Variants in AKAP12 observed in about 807,000 individuals in gnomAD.
The protein encoded by AKAP12 is A-kinase anchoring protein 12, also known as A-kinase anchor protein 12.
In AKAP12, 32 loss-of-function variants were observed where a neutral mutation model predicts 79.9. That is an observed-to-expected ratio of 0.40 (90% CI 0.30 to 0.54). The LOEUF is 0.54. AKAP12 is among the 20% of genes least tolerant of loss of function. The pLI is 0.48. For synonymous variants in AKAP12, 808 were observed against 857.0 expected, an observed-to-expected ratio of 0.94 and a Z score of 1.00; for missense variants, 2,074 against 2,177.0, an observed-to-expected ratio of 0.95 and a Z score of 0.94.
intron 3 of AKAP12, among the ~76,000 whole-genome samples, chr6:151,321,902 T>TG (rs773019461): frequency 1.6e-5 from 2 of 124,224 alleles, no homozygotes; most frequent in Admixed American, 1.6e-4. Flanking sequence ...ATCAGCTTTA[T>TG]GTTTTTTTTT....
intron 2 of AKAP12, among the ~76,000 whole-genome samples, chr6:151,286,827 G>A (rs2114731089): frequency 6.6e-6 from 1 of 152,290 alleles, no homozygotes; most frequent in Admixed American, 6.5e-5. Flanking sequence ...GAGAGTTCAG[G>A]TCTTTTACAA....
chr6:151,266,875 G>A (rs766590080), intron 2 of AKAP12, among the ~76,000 whole-genome samples: 4 of 151,922 alleles, frequency 2.6e-5, no homozygotes, highest in Admixed American at 6.6e-5. Flanking sequence ...TTTAAAAAAC[G>A]CATGTATGTG....
At position 151,304,362 on chromosome 6, in the gene AKAP12, G is replaced by A. The variant is rs182518716; in HGVS notation, c.163-1385G>A. On this transcript the variant is annotated intron_variant, in intron 2 of 4. Coordinates refer to ENST00000402676, the MANE Select transcript of AKAP12 (RefSeq NM_005100.4). ...AAATTAGCCAGGCATGGTGGTGCAC[G>A]CCTGTAATCCCTGCTATGTGGGAGG... Among the ~76,000 whole-genome samples, 581 of 151,104 alleles carry A rather than the reference G, an allele frequency of 3.8e-3. 6 individuals carry two copies. Among genetic ancestry groups the A allele is most frequent in the African/African-American group, 0.013 (520 of 41,262 alleles).
Position 151,353,192 on chromosome 6 carries a change from C to A in AKAP12, c.4801C>A (p.Pro1601Thr), listed in dbSNP as rs1280504726. ...GGAAACGGAGAAAGAAGGAGAGGAACCTCAGGCCTCTGCACAGGATGAAAC... is the reference window on the plus strand; with the variant it reads ...GGAAACGGAGAAAGAAGGAGAGGAAACTCAGGCCTCTGCACAGGATGAAAC... The part of the protein sequence containing the change: ...GQETEKEGEE[P>T]QASAQDETPI... The change falls in exon 4 of 5, where the codon CCT (proline) becomes ACT (threonine). Residue 1601 changes from proline (P) to threonine (T), a missense_variant. Physicochemically the swap from Pro to Thr is conservative, Grantham distance 38. This residue lies in a region of AKAP12 where 614 missense variants were observed against 665.6 expected (regional missense o/e 0.92). Transcript: ENST00000402676. 6.2e-7 allele frequency: 1 copy of A among 1,614,124 alleles called. No individual in the cohort carries two copies. Among genetic ancestry groups the A allele is most frequent in the Non-Finnish European group, 8.5e-7 (1 of 1,180,008 alleles).
In AKAP12 at chr6:151,345,895, ATGTGTGTGTGTGTG is replaced by A. The variant is rs367643775; in HGVS notation, c.320-2791_320-2778del. Among the ~76,000 whole-genome samples the A allele has an allele frequency of 2.4e-3, 309 of 128,860 alleles. 1 individual carries two copies. The highest frequency in any genetic ancestry group is 4.4e-3 in the Admixed American group (55 of 12,640). 84.5% of individuals were successfully genotyped at this position (128,860 alleles called of 152,430 possible). On this transcript the variant is annotated intron_variant, in intron 3 of 4. Transcript: ENST00000402676. ...TCATATGTGAAGGATGTGTGTGTATATGTGTGTGTGTGTGTGTGTGTGTGTGTGTGTGTGTGTGA... is the reference window on the plus strand; with the variant it reads ...TCATATGTGAAGGATGTGTGTGTATATGTGTGTGTGTGTGTGTGTGTGTGA...
At chr6:151,241,512 C>T (rs1328475088) in intron 2 of AKAP12, among the ~76,000 whole-genome samples, 1 of 152,212 alleles carries the variant, frequency 6.6e-6, no homozygotes, top group African/African-American at 2.4e-5. Flanking sequence ...GTACTCTTCC[C>T]TGGACGCAGT....
chr6:151,319,839 C>T lies in AKAP12; in HGVS notation c.319+13936C>T, dbSNP rs117324755. ...GGTCAAGGGTGTACAAGTAGCTGCGCTCCCCTGCTAGAACCTCCAAACACG... is the reference window on the plus strand; with the variant it reads ...GGTCAAGGGTGTACAAGTAGCTGCGTTCCCCTGCTAGAACCTCCAAACACG... On this transcript the variant is annotated intron_variant, in intron 3 of 4. Transcript: ENST00000402676. The T allele has an allele frequency of 1.4e-3, 209 of 153,824 alleles. 1 individual carries two copies. In the East Asian group the frequency reaches 0.022, roughly 16 times the overall value. The allele number at this position is 153,824 out of a possible 1,614,324, so 9.5% of individuals were successfully genotyped here.
chr6:151,310,267 A>C (rs1777063774), intron 3 of AKAP12, among the ~76,000 whole-genome samples: 2 of 152,090 alleles, frequency 1.3e-5, no homozygotes, highest in Non-Finnish European at 2.9e-5. Context: ...CATGAGGCTG[A>C]GGCAGGAGAA....
intron 2 of AKAP12, among the ~76,000 whole-genome samples, chr6:151,248,110 C>G (rs1459830452): frequency 6.6e-6 from 1 of 152,144 alleles, no homozygotes; most frequent in Non-Finnish European, 1.5e-5. Context: ...TATGCAAATA[C>G]TGCAAACTGG....
At chr6:151,353,953 TTATGAAAAGAACGAC>T (rs947713203) in intron 4 of AKAP12, among the ~76,000 whole-genome samples, 1 of 152,212 alleles carries the variant, frequency 6.6e-6, no homozygotes, top group African/African-American at 2.4e-5. Flanking sequence ...CTTATCGATG[TTATGAAAAGAACGAC>T]TTCGTTTTAC....
At chr6:151,264,940 T>C (rs1721516207) in intron 2 of AKAP12, among the ~76,000 whole-genome samples, 1 of 151,954 alleles carries the variant, frequency 6.6e-6, no homozygotes, top group Non-Finnish European at 1.5e-5. Flanking sequence ...TCACCTGAGG[T>C]CAGGAGTTCA....
intron 2 of AKAP12, among the ~76,000 whole-genome samples, chr6:151,255,271 T>A (rs988810817): frequency 2.0e-5 from 3 of 151,958 alleles, no homozygotes; most frequent in Non-Finnish European, 4.4e-5. Context: ...GTTCAAGCAG[T>A]TCTCCTGCCT....
chr6:151,249,717 A>G (rs568269486), intron 2 of AKAP12, among the ~76,000 whole-genome samples: 3 of 152,180 alleles, frequency 2.0e-5, no homozygotes, highest in Non-Finnish European at 4.4e-5. Flanking sequence ...AAGTTTCCAT[A>G]TATGCATAAA....
chr6:151,257,400 G>T (rs1346150765), intron 2 of AKAP12, among the ~76,000 whole-genome samples: 1 of 152,048 alleles, frequency 6.6e-6, no homozygotes, highest in East Asian at 1.9e-4. Context: ...AGGTTCAAGC[G>T]ATTCTCCTGC....
At chr6:151,324,848 A>G (rs895013964) in intron 3 of AKAP12, 3 of 985,362 alleles carry the variant, frequency 3.0e-6, no homozygotes, top group East Asian at 1.1e-4. Context: ...CTTCAATGAG[A>G]AAGAATTGAA....
intron 3 of AKAP12, among the ~76,000 whole-genome samples, chr6:151,320,808 A>G (rs1777361484): frequency 1.3e-5 from 2 of 152,164 alleles, no homozygotes; most frequent in South Asian, 2.1e-4. Context: ...ATGGCTCCCT[A>G]TAGTCTTCAG....
At chr6:151,281,388 G>A (rs557371061) in intron 2 of AKAP12, among the ~76,000 whole-genome samples, 5 of 152,294 alleles carry the variant, frequency 3.3e-5, no homozygotes, top group Admixed American at 1.3e-4. Context: ...TTTCTGTAAC[G>A]TATGGGAAGA....
At chr6:151,336,276 A>C (rs1777812200) in intron 3 of AKAP12, among the ~76,000 whole-genome samples, 1 of 152,204 alleles carries the variant, frequency 6.6e-6, no homozygotes, top group African/African-American at 2.4e-5. Context: ...TCTCTTGGGT[A>C]GATGCCAAAT....
At chr6:151,307,370 C>T (rs986391322) in intron 3 of AKAP12, among the ~76,000 whole-genome samples, 1 of 152,174 alleles carries the variant, frequency 6.6e-6, no homozygotes, top group Non-Finnish European at 1.5e-5. Context: ...GTTGGAACAG[C>T]CTAGCCCCTG....
Sources: allele counts gnomAD v4.1 joint callset (sites outside exome capture counted in the v4.1 genomes callset), GRCh38; gene constraint gnomAD v4.1.1; regional missense constraint gnomAD v4.1.1; transcripts MANE v1.5; gene names NCBI Gene and HGNC (gene_info 2026-07-23, HGNC 2026-07-21).